Variants in INPP4B observed in about 807,000 individuals in gnomAD.
The protein encoded by INPP4B is inositol polyphosphate 4-phosphatase type II.
INPP4B carries 55 observed loss-of-function variants against 122.5 expected under a neutral mutation model. That is an observed-to-expected ratio of 0.45 (90% confidence interval 0.36 to 0.56). The LOEUF (loss-of-function observed/expected upper bound fraction) is 0.56, where lower values mean the gene tolerates loss of function less well. INPP4B is among the 20% of genes least tolerant of loss of function. The pLI is 0.00. For synonymous variants in INPP4B, 403 were observed against 388.7 expected (o/e 1.04, Z -0.43); for missense variants, 1,000 against 1,097.7 (o/e 0.91, Z 1.26).
intron 3 of INPP4B, among the ~76,000 whole-genome samples, chr4:142,448,751 C>A (rs902733834): frequency 1.3e-5 from 2 of 152,084 alleles, no homozygotes; most frequent in African/African-American, 4.8e-5. Context: ...GCAACCAGGT[C>A]CCTGTGCCCA....
intron 10 of INPP4B, among the ~76,000 whole-genome samples, chr4:142,264,898 T>C (rs1742006224): frequency 6.6e-6 from 1 of 152,066 alleles, no homozygotes; most frequent in Non-Finnish European, 1.5e-5. Context: ...CTGGTATTCT[T>C]ACGAGAAAAG....
intron 2 of INPP4B, among the ~76,000 whole-genome samples, chr4:142,698,369 T>A (rs565571390): frequency 6.6e-6 from 1 of 152,112 alleles, no homozygotes; most frequent in African/African-American, 2.4e-5. Flanking sequence ...CTTCCAGTGT[T>A]ATTCTTGTCA....
chr4:142,566,012 C>G (rs1731541422), intron 2 of INPP4B: 1 of 152,144 alleles, frequency 6.6e-6, no homozygotes, highest in African/African-American at 2.4e-5. Context: ...GTTTGGCATT[C>G]ATTCAGTTCA....
At chr4:142,827,206 G>A (rs962546137) in intron 1 of INPP4B, among the ~76,000 whole-genome samples, 4 of 152,150 alleles carry the variant, frequency 2.6e-5, no homozygotes, top group African/African-American at 4.8e-5. Context: ...CCAGCCCCAT[G>A]TTGTCAGCAT....
intron 2 of INPP4B, among the ~76,000 whole-genome samples, chr4:142,642,057 G>A (rs1055765628): frequency 2.6e-5 from 4 of 152,244 alleles, no homozygotes; most frequent in East Asian, 1.9e-4. Context: ...TGGCTGCATT[G>A]ATGTCTTCTT....
chr4:142,241,616 A>T (rs1298111689), intron 11 of INPP4B, among the ~76,000 whole-genome samples: 1 of 152,200 alleles, frequency 6.6e-6, no homozygotes, highest in Non-Finnish European at 1.5e-5. Context: ...CAAAGTAAGG[A>T]TGCCAAGGAA....
intron 2 of INPP4B, among the ~76,000 whole-genome samples, chr4:142,664,080 G>A (rs2150597587): frequency 6.6e-6 from 1 of 152,264 alleles, no homozygotes; most frequent in Middle Eastern, 3.4e-3. Flanking sequence ...CTGGCCTGAA[G>A]ACTCTAATTA....
chr4:142,521,605 G>A lies in INPP4B; in HGVS notation c.-190-58879C>T, dbSNP rs141767365. The stretch of plus-strand genomic sequence containing the variant: ...AATGAAACATCACTTATACAATTAA[G>A]GCCATCCTGACCCCTTTTGTTTCCT... On this transcript the variant is annotated intron_variant, in intron 2 of 25. Coordinates refer to ENST00000262992, the MANE Select transcript of INPP4B (RefSeq NM_001101669.3). 1.0e-3 allele frequency among the ~76,000 whole-genome samples: 159 copies of A among 152,018 alleles called. 2 individuals are homozygous for A. In the East Asian group the frequency reaches 0.025, roughly 24 times the overall value.
At chr4:142,716,789 C>G (rs1763830564) in intron 2 of INPP4B, among the ~76,000 whole-genome samples, 1 of 152,178 alleles carries the variant, frequency 6.6e-6, no homozygotes, top group Non-Finnish European at 1.5e-5. Context: ...AATTACCCTG[C>G]CTCTTCTATC....
At chr4:142,403,895 A>G (rs1362136082) in intron 6 of INPP4B, among the ~76,000 whole-genome samples, 1 of 152,196 alleles carries the variant, frequency 6.6e-6, no homozygotes, top group East Asian at 1.9e-4. Flanking sequence ...GTTCAAGTAC[A>G]ATATTTTAAA....
intron 11 of INPP4B, among the ~76,000 whole-genome samples, chr4:142,258,657 C>G (rs1361412060): frequency 6.6e-6 from 1 of 152,130 alleles, no homozygotes; most frequent in Non-Finnish European, 1.5e-5. Context: ...CAATGAGATA[C>G]CATCTCACAC....
chr4:142,107,857 A>G (rs1787930844), intron 23 of INPP4B, among the ~76,000 whole-genome samples: 1 of 152,158 alleles, frequency 6.6e-6, no homozygotes, highest in South Asian at 2.1e-4. Context: ...TCCAGTGGCA[A>G]TGAAATTAAT....
intron 25 of INPP4B, chr4:142,029,383 G>A (rs141667999): frequency 2.4e-4 from 240 of 984,750 alleles, no homozygotes; most frequent in Non-Finnish European, 2.6e-4. Context: ...TATTATTTTA[G>A]CTGTGCAAGG....
intron 12 of INPP4B, among the ~76,000 whole-genome samples, chr4:142,230,712 TTA>T (rs1392811614): frequency 6.6e-6 from 1 of 151,914 alleles, no homozygotes; most frequent in Non-Finnish European, 1.5e-5. Flanking sequence ...TGAAGTGATT[TTA>T]TCTTTTCTCT....
chr4:142,422,933 G>T (rs547892412), intron 5 of INPP4B, among the ~76,000 whole-genome samples: 1 of 152,218 alleles, frequency 6.6e-6, no homozygotes, highest in South Asian at 2.1e-4. Context: ...ATTCTTAGCC[G>T]TTGGTTCTCT....
rs187876023 is a variant in INPP4B at position 142,668,818 on chromosome 4, G to T, written c.-191+57021C>A. 3.9e-5 allele frequency among the ~76,000 whole-genome samples: 6 copies of T among 152,198 alleles called. No homozygotes were observed. The East Asian group carries it at 1.2e-3, about 29-fold the overall frequency. On this transcript the variant is annotated intron_variant, in intron 2 of 25. Coordinates refer to ENST00000262992, the MANE Select transcript of INPP4B (RefSeq NM_001101669.3). ...AATCCCAGCACTTTGGGAGGCCGAG[G>T]TGGGCAGATCACGAGGTCAGGAGAT... is the stretch of plus-strand genomic sequence containing the variant.
In INPP4B at chr4:142,438,665, C is replaced by T. The variant is rs55636817; in HGVS notation, c.-126-7280G>A. Among the ~76,000 whole-genome samples, 634 of 152,106 alleles carry T rather than the reference C, an allele frequency of 4.2e-3. 7 individuals are homozygous for T. The highest frequency in any genetic ancestry group is 0.015 in the African/African-American group (605 of 41,492). ...GGGCAAAGATTTTATGATGAAATTG[C>T]CAAAACAACTGCAACAAAAGCAAAA... On this transcript the variant is annotated intron_variant, in intron 3 of 25. Coordinates refer to ENST00000262992, the MANE Select transcript of INPP4B (RefSeq NM_001101669.3).
In INPP4B at chr4:142,329,043, G is replaced by A. The variant is rs569281292; in HGVS notation, c.373-14281C>T. On this transcript the variant is annotated intron_variant, in intron 7 of 25. Transcript: ENST00000262992. ...CACCTCCCTCCATGCCTTTGCATGC[G>A]CTGATCTGTCCTTTTAAGTACAAGA... Among the ~76,000 whole-genome samples, 76 of 152,266 alleles carry A rather than the reference G, an allele frequency of 5.0e-4. 1 individual carries two copies. The South Asian group carries it at 9.3e-3, about 19-fold the overall frequency.
chr4:142,795,532 T>C (rs1777120087), intron 1 of INPP4B: 1 of 152,048 alleles, frequency 6.6e-6, no homozygotes, highest in Non-Finnish European at 1.5e-5. Context: ...TTCCTCTTAA[T>C]GTCCTTGGGC....
Sources: allele counts gnomAD v4.1 joint callset (sites outside exome capture counted in the v4.1 genomes callset), GRCh38; gene constraint gnomAD v4.1.1; transcripts MANE v1.5; gene names NCBI Gene and HGNC (gene_info 2026-07-23, HGNC 2026-07-21).